NFASC: variants seen among roughly 807,000 people sequenced by gnomAD.
NFASC encodes neurofascin homolog.
In NFASC, 43 loss-of-function variants were observed where a neutral mutation model predicts 147.5. The ratio of observed to expected loss-of-function variants is 0.29; its 90% CI spans 0.23 to 0.38. The LOEUF is 0.38. Among genes scored for constraint, NFASC ranks in the 10% least tolerant of loss-of-function variants. The pLI, the probability that NFASC is intolerant of heterozygous loss-of-function variation, is 1.00. For missense variants in NFASC, 1,320 were observed against 1,689.0 expected (o/e 0.78, Z 3.83); for synonymous variants, 622 against 665.5 (o/e 0.93, Z 1.01).
chr1:205,007,744 G>A (rs2096153859), intron 27 of NFASC, among the ~76,000 whole-genome samples: 1 of 152,166 alleles, frequency 6.6e-6, no homozygotes, highest in Admixed American at 6.5e-5. Flanking sequence ...CATGGCTGGA[G>A]CATAAAGCAT....
intron 24 of NFASC, among the ~76,000 whole-genome samples, chr1:204,992,752 C>T (rs953191933): frequency 5.9e-5 from 9 of 152,232 alleles, no homozygotes; most frequent in Non-Finnish European, 7.3e-5. Context: ...GTCCACCTCC[C>T]CTGTTCTGGC....
Position 204,968,789 on chromosome 1 carries a change from C to G in NFASC, c.819-9C>G. ...TGATAACTTGTTTCCTGCTTGGCGC[C>G]TCTCCTAGCCCAACACCAGACATCG... On this transcript the variant is annotated splice_polypyrimidine_tract_variant and intron_variant, in intron 9 of 29. Transcript: ENST00000339876. The surrounding 1 kb of genome is among the most constrained non-coding windows in gnomAD (Gnocchi z 5.4). The G allele has an allele frequency of 6.2e-7, 1 of 1,608,740 alleles. No individual in the cohort carries two copies. Among genetic ancestry groups the G allele is most frequent in the South Asian group, 1.1e-5 (1 of 90,622 alleles).
chr1:204,917,884 T>C (rs922418298), intron 1 of NFASC, among the ~76,000 whole-genome samples: 2 of 152,184 alleles, frequency 1.3e-5, no homozygotes, highest in Non-Finnish European at 1.5e-5. Flanking sequence ...CATAATCTGA[T>C]TGCTAGAGGT....
chr1:204,957,748 G>A lies in NFASC; in HGVS notation c.628G>A (p.Asp210Asn). Reference protein sequence around the residue: ...SNVMLQDMQTDYSCNARFHFT... With the variant: ...SNVMLQDMQTNYSCNARFHFT... The stretch of plus-strand genomic sequence containing the variant: ...CGTGATGCTGCAGGACATGCAGACC[G>A]ACTACAGTTGTAACGCCCGCTTCCA... The change falls in exon 8 of 30, where the codon GAC becomes AAC. Residue 210 changes from aspartate (D) to asparagine (N), a missense_variant. Asp to Asn is a conservative substitution (Grantham distance 23, BLOSUM62 1). Transcript: ENST00000339876. 1.2e-6 allele frequency: 2 copies of A among 1,614,120 alleles called. No homozygotes were observed. Among genetic ancestry groups the A allele is most frequent in the Non-Finnish European group, 1.7e-6 (2 of 1,180,028 alleles).
chr1:204,833,233 T>C (rs1400703294), intron 1 of NFASC, among the ~76,000 whole-genome samples: 1 of 152,274 alleles, frequency 6.6e-6, no homozygotes, highest in Non-Finnish European at 1.5e-5. Context: ...CACCCTACTC[T>C]ATGCTTTATA....
chr1:204,945,737 C>T (rs948959939), intron 3 of NFASC, among the ~76,000 whole-genome samples: 1 of 152,214 alleles, frequency 6.6e-6, no homozygotes, highest in African/African-American at 2.4e-5. Context: ...GGACCTGTTC[C>T]CATGGTAACT....
chr1:204,977,835 TG>T, intron 17 of NFASC, 110 bp downstream of exon 17: 2 of 951,068 alleles, frequency 2.1e-6, no homozygotes, highest in Middle Eastern at 2.6e-4. Flanking sequence ...TGTAGGTTTG[TG>T]GGCAGCACTC....
chr1:204,955,723 C>A (rs1297874546), intron 7 of NFASC, among the ~76,000 whole-genome samples: 1 of 152,134 alleles, frequency 6.6e-6, no homozygotes, highest in African/African-American at 2.4e-5. Flanking sequence ...CCTGTCCTCC[C>A]TCCCTTCCCG....
At chr1:204,913,715 T>C (rs941955129) in intron 1 of NFASC, among the ~76,000 whole-genome samples, 3 of 151,982 alleles carry the variant, frequency 2.0e-5, no homozygotes, top group African/African-American at 7.2e-5. Context: ...CATGTCTCTA[T>C]AAAAAATTTA....
chr1:204,932,604 A>G (rs1261892638), intron 2 of NFASC, among the ~76,000 whole-genome samples: 1 of 152,206 alleles, frequency 6.6e-6, no homozygotes, highest in Non-Finnish European at 1.5e-5. Flanking sequence ...GTCCAGACCA[A>G]TATCTGCCTG....
intron 1 of NFASC, among the ~76,000 whole-genome samples, chr1:204,832,711 G>A (rs772396203): frequency 2.6e-5 from 4 of 152,146 alleles, no homozygotes; most frequent in Admixed American, 2.0e-4. Context: ...GCAAGCTATT[G>A]GGCATGTAAG....
At chr1:204,970,197 C>T (rs944559850) in intron 10 of NFASC, among the ~76,000 whole-genome samples, 1 of 151,952 alleles carries the variant, frequency 6.6e-6, no homozygotes, top group Non-Finnish European at 1.5e-5. Context: ...GGGACCAACT[C>T]AGTGCCCACT....
chr1:204,876,078 T>C (rs905822959), intron 1 of NFASC, among the ~76,000 whole-genome samples: 3 of 152,222 alleles, frequency 2.0e-5, no homozygotes, highest in African/African-American at 7.2e-5. Context: ...CATGGGGCGC[T>C]CTTGCTTTAT....
chr1:204,834,743 T>C (rs905462430), intron 1 of NFASC, among the ~76,000 whole-genome samples: 5 of 152,184 alleles, frequency 3.3e-5, no homozygotes, highest in African/African-American at 1.2e-4. Context: ...GTTAACAAGA[T>C]AAACAGCCTG....
intron 1 of NFASC, among the ~76,000 whole-genome samples, chr1:204,847,385 TC>T (rs1258498566): frequency 6.6e-6 from 1 of 152,194 alleles, no homozygotes; most frequent in Non-Finnish European, 1.5e-5. Context: ...AGGGCTACCT[TC>T]CCATCTGGTA....
intron 1 of NFASC, among the ~76,000 whole-genome samples, 173 bp downstream of exon 1, chr1:204,828,955 C>A (rs1222371707): frequency 7.3e-6 from 1 of 137,726 alleles, no homozygotes; most frequent in Non-Finnish European, 1.6e-5. Context: ...CGAATCCATC[C>A]GATTCTGTTC....
At chr1:204,859,095 A>G (rs553844990) in intron 1 of NFASC, among the ~76,000 whole-genome samples, 3 of 150,658 alleles carry the variant, frequency 2.0e-5, no homozygotes, top group Non-Finnish European at 4.4e-5. Flanking sequence ...CTCCTACCTC[A>G]GTCTCTTGGG....
At chr1:204,873,821 A>G (rs2078198095) in intron 1 of NFASC, among the ~76,000 whole-genome samples, 1 of 152,134 alleles carries the variant, frequency 6.6e-6, no homozygotes, top group Non-Finnish European at 1.5e-5. Flanking sequence ...GATCTGTACC[A>G]TGGCAGCAGT....
rs1472180193 is a variant in NFASC, at chr1:205,022,647, T to C, written c.*6108T>C. 3 of 152,670 alleles carry C rather than the reference T, an allele frequency of 2.0e-5. No individual in the cohort carries two copies. In the East Asian group the frequency reaches 5.8e-4, roughly 29 times the overall value. The allele number at this position is 152,670 out of a possible 1,614,324, so 9.5% of individuals were successfully genotyped here. On this transcript the variant is annotated 3_prime_UTR_variant, in exon 30 of 30. Transcript: ENST00000339876. ...GTATCTGAGGGTGTCACACACGACC[T>C]TCAGCAGGGAAGACTTCTGGGCCAT...
Sources: gnomAD v4.1 joint callset for allele counts (sites outside exome capture counted in the v4.1 genomes callset) on GRCh38, gnomAD v4.1.1 for gene constraint, Gnocchi (gnomAD v3.1) non-coding constraint, MANE v1.5 for transcripts, NCBI Gene and HGNC (gene_info 2026-07-23, HGNC 2026-07-21) for gene names.